The following TOP3A variants were observed in gnomAD, a reference collection of about 807,000 sequenced individuals.
TOP3A encodes DNA topoisomerase 3-alpha.
A neutral mutation model predicts 111.3 loss-of-function variants in TOP3A; 64 were observed. The observed-to-expected ratio is 0.57, with a 90% confidence interval of 0.47 to 0.71. The LOEUF is 0.71. Ranked by LOEUF, TOP3A falls within the 30% of genes least tolerant of loss-of-function variation. TOP3A has a pLI of 0.00. For missense variants in TOP3A, 1,104 were observed against 1,285.0 expected, an observed-to-expected ratio of 0.86 and a Z score of 2.15; for synonymous variants, 484 against 485.1, an observed-to-expected ratio of 1.00 and a Z score of 0.03.
At chr17:18,282,202 G>C (rs1407745078) in intron 16 of TOP3A, among the ~76,000 whole-genome samples, 1 of 152,178 alleles carries the variant, frequency 6.6e-6, no homozygotes, top group African/African-American at 2.4e-5. Flanking sequence ...AGTAGTATCT[G>C]CTGAGTATCT....
chr17:18,299,422 C>T (rs1981079715), intron 9 of TOP3A, 137 bp downstream of exon 9: 1 of 786,002 alleles, frequency 1.3e-6, no homozygotes. Flanking sequence ...AGGACCGTGT[C>T]TTTCTCCAGT....
In TOP3A at chr17:18,309,077, G is replaced by A. The variant is rs530544519; in HGVS notation, c.181-136C>T. 2.4e-4 allele frequency: 115 copies of A among 481,498 alleles called. No individual in the cohort carries two copies. In the East Asian group the frequency reaches 2.9e-3, roughly 12 times the overall value. 29.8% of individuals were successfully genotyped at this position (481,498 alleles called of 1,614,324 possible). ...AAAATATAACCAACATTGCTCCAAA[G>A]AAGATAAGAAATGGCCAACAAGCAT... On this transcript the variant is annotated intron_variant, in intron 1 of 18. Transcript: ENST00000321105.
At chr17:18,292,237 T>C (rs1323819385) in intron 11 of TOP3A, among the ~76,000 whole-genome samples, 1 of 152,182 alleles carries the variant, frequency 6.6e-6, no homozygotes, top group Non-Finnish European at 1.5e-5. Flanking sequence ...TGTGGGAAAC[T>C]GCAGTGACAG....
rs1194367440 is a variant in TOP3A at position 18,285,500 on chromosome 17, C to A, written c.1618G>T (p.Glu540Ter). The change falls in exon 14 of 19, where the codon GAG (glutamate) becomes TAG (stop). Residue 540 changes from glutamate to a stop codon, truncating the protein, a stop_gained. Coordinates refer to ENST00000321105, the MANE Select transcript of TOP3A (RefSeq NM_004618.5). LOFTEE classifies it high-confidence loss of function. ...HGIGTDATHA[E>*]HIETIKARMY... The stretch of plus-strand genomic sequence containing the variant: ...CGGGCTTTGATGGTCTCGATGTGCT[C>A]CGCATGAGTGGCATCCGTACCTGGA... 1.2e-6 allele frequency: 2 copies of A among 1,614,002 alleles called. No individual in the cohort carries two copies. The highest frequency in any genetic ancestry group is 1.7e-6 in the Non-Finnish European group (2 of 1,180,030).
chr17:18,292,656 T>C lies in TOP3A; in HGVS notation c.1270A>G (p.Asn424Asp). 8 of 1,567,790 alleles carry C rather than the reference T, an allele frequency of 5.1e-6. No homozygotes were observed. In the Middle Eastern group the frequency reaches 5.2e-4, roughly 101 times the overall value. The change falls in exon 11 of 19, where the codon AAC (asparagine) becomes GAC (aspartate). Residue 424 changes from asparagine (N) to aspartate (D), a missense_variant. Transcript: ENST00000321105. Reference protein sequence around the residue: ...HPPIHPTKYTNNLQGDEQRLY... With the variant: ...HPPIHPTKYTDNLQGDEQRLY... ...TCAGGGAAACCAACCTGTAAGTTGT[T>C]GGTGTATTTGGTGGGGTGAATGGGA...
chr17:18,286,521 TAAC>T (rs1455314681), intron 13 of TOP3A, among the ~76,000 whole-genome samples: 2 of 151,720 alleles, frequency 1.3e-5, no homozygotes, highest in Non-Finnish European at 2.9e-5. Context: ...ACCTCAACAA[TAAC>T]AACAAAAAAA....
chr17:18,302,217 C>T, intron 7 of TOP3A, 47 bp downstream of exon 7: 5 of 1,560,906 alleles, frequency 3.2e-6, no homozygotes, highest in Non-Finnish European at 4.3e-6. Context: ...CCCTCCTTAA[C>T]CTTGAGCCCA....
At position 18,287,913 on chromosome 17, in the gene TOP3A, G is replaced by A. The variant is rs566093113; in HGVS notation, c.1598-2393C>T. Among the ~76,000 whole-genome samples the A allele has an allele frequency of 5.3e-5, 8 of 150,520 alleles. No individual in the cohort carries two copies. In the East Asian group the frequency reaches 8.1e-4, roughly 15 times the overall value. On this transcript the variant is annotated intron_variant, in intron 13 of 18. Coordinates refer to ENST00000321105, the MANE Select transcript of TOP3A (RefSeq NM_004618.5). ...CTCGGGAGGCTGAGACAGGAGAATC[G>A]CTTGAACCTGGGTGGCGGAAGTTGC...
At chr17:18,296,360 T>A (rs1597973980) in intron 9 of TOP3A, among the ~76,000 whole-genome samples, 1 of 151,994 alleles carries the variant, frequency 6.6e-6, no homozygotes, top group African/African-American at 2.4e-5. Context: ...GGCGGGCGGA[T>A]CACAAGTTCA....
Position 18,301,934 on chromosome 17 carries a change from C to A in TOP3A, c.866G>T (p.Arg289Leu), listed in dbSNP as rs770769662. Residue 289 changes from arginine to leucine, a missense_variant, in exon 8 of 19, where the codon CGA (arginine) becomes CTA (leucine). Physicochemically the swap from Arg to Leu is moderately radical, Grantham distance 102 (BLOSUM62 -2). Transcript: ENST00000321105. The stretch of plus-strand genomic sequence containing the variant: ...TAGGCAAGCCGTGTGGTTAAAGAGT[C>A]GATGCCTTTTCCAGTTGAATTCTAC... ...GIVEFNWKRH[R>L]LFNHTACLVL... 1.2e-6 allele frequency: 2 copies of A among 1,614,144 alleles called. No individual in the cohort carries two copies. The highest frequency in any genetic ancestry group is 1.7e-6 in the Non-Finnish European group (2 of 1,180,034).
intron 13 of TOP3A, 25 bp from the exon 14 acceptor site, chr17:18,285,545 T>A (rs772276941): frequency 1.2e-6 from 2 of 1,606,922 alleles, no homozygotes; most frequent in Non-Finnish European, 1.7e-6. Context: ...CTGGTTACTC[T>A]GAGGTAATAC....
At chr17:18,305,486 A>ACACACACACACGCG (rs1164323613) in intron 4 of TOP3A, among the ~76,000 whole-genome samples, 2 of 149,414 alleles carry the variant, frequency 1.3e-5, no homozygotes, top group South Asian at 2.1e-4. Flanking sequence ...ACACACACAC[A>ACACACACACACGCG]CGCGCGCGCG....
At chr17:18,309,957 G>A (rs921581612) in intron 1 of TOP3A, among the ~76,000 whole-genome samples, 3 of 151,442 alleles carry the variant, frequency 2.0e-5, no homozygotes, top group Non-Finnish European at 4.4e-5. Flanking sequence ...TGATCCACCT[G>A]CCTCGGCCTC....
At chr17:18,288,407 G>A (rs1023584032) in intron 13 of TOP3A, among the ~76,000 whole-genome samples, 1 of 152,000 alleles carries the variant, frequency 6.6e-6, no homozygotes, top group Non-Finnish European at 1.5e-5. Context: ...CTCCCAAAGT[G>A]CTGGGATTAT....
At position 18,280,370 on chromosome 17, in the gene TOP3A, C is replaced by T. The variant is rs558962896; in HGVS notation, c.2144+166G>A. Reference sequence around the variant, plus strand: ...GCCAAAGCAGTGACAGCATGGAACACAACAGAACTGGACCAGCCCTGCTGA... The same window carrying T: ...GCCAAAGCAGTGACAGCATGGAACATAACAGAACTGGACCAGCCCTGCTGA... On this transcript the variant is annotated intron_variant, in intron 17 of 18. Transcript: ENST00000321105. The T allele has an allele frequency of 5.6e-6, 4 of 718,626 alleles. No homozygotes were observed. In the South Asian group the frequency reaches 7.9e-5, roughly 14 times the overall value. The allele number at this position is 718,626 out of a possible 1,614,324, so 44.5% of individuals were successfully genotyped here.
At chr17:18,287,061 G>C (rs1286334416) in intron 13 of TOP3A, among the ~76,000 whole-genome samples, 3 of 151,716 alleles carry the variant, frequency 2.0e-5, no homozygotes, top group Non-Finnish European at 4.4e-5. Flanking sequence ...TGGGATTACA[G>C]GTGTGAGCCA....
At position 18,302,638 on chromosome 17, in the gene TOP3A, C is replaced by T; in HGVS notation, c.585G>A (p.Glu195=). 1 of 1,614,210 alleles carries T rather than the reference C, an allele frequency of 6.2e-7. No individual in the cohort carries two copies. Reference sequence around the variant, plus strand: ...CAGCATCGCTCACCCTCTGATCAGGCTCGGTCAGGTTTTCACAAGCTGTCC... The same window carrying T: ...CAGCATCGCTCACCCTCTGATCAGGTTCGGTCAGGTTTTCACAAGCTGTCC... ...AVRTACENLT[E]PDQRVSDAVD... Residue 195 remains glutamate, a synonymous_variant, in exon 6 of 19, where the codon GAG becomes GAA. Coordinates refer to ENST00000321105, the MANE Select transcript of TOP3A (RefSeq NM_004618.5).
Position 18,305,079 on chromosome 17 carries a change from G to A in TOP3A, c.499+33C>T, listed in dbSNP as rs370604057. 6.0e-5 allele frequency: 94 copies of A among 1,560,824 alleles called. No homozygotes were observed. The East Asian group carries it at 1.2e-3, about 20-fold the overall frequency. ...AACACTCTATTTATGGAGTTCCAAA[G>A]TAGAGAAAGTCAGCAGCAGCAGCAG... On this transcript the variant is annotated intron_variant, in intron 5 of 18. Transcript: ENST00000321105.
chr17:18,292,839 G>A lies in TOP3A; in HGVS notation c.1087C>T (p.Pro363Ser). Reference sequence around the variant, plus strand: ...GGAAAAATGTTTGTTTCTGTTCGGGGATAGCTGATGTACCTAAAACCAAGG... The same window carrying A: ...GGAAAAATGTTTGTTTCTGTTCGGGAATAGCTGATGTACCTAAAACCAAGG... ...KLYTQGYISY[P>S]RTETNIFPRD... The change falls in exon 11 of 19, where the codon CCC (proline) becomes TCC (serine). Residue 363 changes from proline to serine, a missense_variant. By Grantham distance (74) the Pro-to-Ser change is moderately conservative (BLOSUM62 -1). Transcript: ENST00000321105. 6.2e-7 allele frequency: 1 copy of A among 1,612,988 alleles called. No homozygotes were observed. Among genetic ancestry groups the A allele is most frequent in the South Asian group, 1.1e-5 (1 of 90,886 alleles).
Sources: allele counts gnomAD v4.1 joint callset (sites outside exome capture counted in the v4.1 genomes callset), GRCh38; gene constraint gnomAD v4.1.1; transcripts MANE v1.5; gene names NCBI Gene and HGNC (gene_info 2026-07-23, HGNC 2026-07-21).